Variants in RANBP2 observed in about 807,000 individuals in gnomAD.
RANBP2 encodes E3 SUMO-protein ligase RanBP2.
In RANBP2, 57 loss-of-function variants were observed where a neutral mutation model predicts 303.6. The ratio of observed to expected loss-of-function variants is 0.19; its 90% CI spans 0.15 to 0.23. The LOEUF (loss-of-function observed/expected upper bound fraction) is 0.23, where lower values mean the gene tolerates loss of function less well. Among genes scored for constraint, RANBP2 ranks in the 10% least tolerant of loss-of-function variants. The probability of loss-of-function intolerance (pLI) is 1.00; values close to 1 mark genes in which losing one functional copy is unlikely to be tolerated. For synonymous variants in RANBP2, 1,167 were observed against 1,301.5 expected, an observed-to-expected ratio of 0.90 and a Z score of 2.23; for missense variants, 3,138 against 3,780.8, an observed-to-expected ratio of 0.83 and a Z score of 4.46.
the RANBP2 span, among the ~76,000 whole-genome samples, chr2:109,485,463 T>C: frequency 6.6e-6 from 1 of 152,248 alleles, no homozygotes; most frequent in African/African-American, 2.4e-5. Flanking sequence ...TGAATCTTAA[T>C]TTAAGCTTTC....
chr2:109,091,065 A>C, the RANBP2 span, among the ~76,000 whole-genome samples: 34 of 152,056 alleles, frequency 2.2e-4, no homozygotes, highest in Non-Finnish European at 4.0e-4. Flanking sequence ...GATCTCTACA[A>C]AAAATAAAAA....
chr2:109,108,050 C>T, the RANBP2 span, among the ~76,000 whole-genome samples: 8 of 152,202 alleles, frequency 5.3e-5, no homozygotes, highest in Admixed American at 1.3e-4. Context: ...GGACTACAGG[C>T]GCCTGCCACC....
At chr2:108,919,073 A>T in the RANBP2 span, among the ~76,000 whole-genome samples, 1 of 151,862 alleles carries the variant, frequency 6.6e-6, no homozygotes. Flanking sequence ...GTCCCTGGAG[A>T]TGTGTGTGCA....
the RANBP2 span, among the ~76,000 whole-genome samples, chr2:109,627,792 T>C: frequency 8.8e-4 from 134 of 152,344 alleles, no homozygotes; most frequent in African/African-American, 3.2e-3. Flanking sequence ...CAGCAATGTT[T>C]GTAAGATTTA....
At chr2:109,370,528 C>G in the RANBP2 span, among the ~76,000 whole-genome samples, 1 of 152,128 alleles carries the variant, frequency 6.6e-6, no homozygotes, top group Non-Finnish European at 1.5e-5. Flanking sequence ...CATGAGCCAC[C>G]GCGCCCGGCC....
chr2:108,812,177 C>T, the RANBP2 span, among the ~76,000 whole-genome samples: 1 of 152,056 alleles, frequency 6.6e-6, no homozygotes, highest in African/African-American at 2.4e-5. Context: ...ACTCAATATT[C>T]TTCCTTTCCA....
the RANBP2 span, among the ~76,000 whole-genome samples, chr2:108,854,682 C>G: frequency 0.072 from 10,900 of 152,134 alleles, 503 homozygotes; most frequent in South Asian, 0.15. Context: ...TTGGGCTCAG[C>G]TCATCTGGAT....
chr2:109,679,091 C>A, the RANBP2 span, among the ~76,000 whole-genome samples: 2 of 152,340 alleles, frequency 1.3e-5, no homozygotes, highest in East Asian at 1.9e-4. Flanking sequence ...TCACAGCCTT[C>A]CTGCACTTAC....
the RANBP2 span, among the ~76,000 whole-genome samples, chr2:109,151,055 T>C: frequency 6.6e-6 from 1 of 152,304 alleles, no homozygotes; most frequent in East Asian, 1.9e-4. Context: ...TTATGGATAA[T>C]ATTGCATCAT....
chr2:109,524,811 A>G, the RANBP2 span, among the ~76,000 whole-genome samples: 1 of 152,130 alleles, frequency 6.6e-6, no homozygotes, highest in East Asian at 1.9e-4. Context: ...CCATTTTTAA[A>G]TTTTTAAGGG....
chr2:109,326,491 GCCCTTGCCGACA>G, the RANBP2 span, among the ~76,000 whole-genome samples: 1 of 152,092 alleles, frequency 6.6e-6, no homozygotes, highest in East Asian at 1.9e-4. Context: ...TTCCTTCTGC[GCCCTTGCCGACA>G]CTTGCTGTTG....
At chr2:108,789,080 GT>G (rs1313665883), downstream of RANBP2, 1 of 950,136 alleles carries the variant, frequency 1.1e-6, no homozygotes, top group African/African-American at 1.7e-5. Context: ...ATGAGGACAA[GT>G]ATAAGGCAGT....
chr2:108,909,964 C>T, the RANBP2 span, among the ~76,000 whole-genome samples: 2 of 152,194 alleles, frequency 1.3e-5, no homozygotes, highest in Non-Finnish European at 2.9e-5. Context: ...GATACAAGCA[C>T]CTTGCTCCTG....
the RANBP2 span, among the ~76,000 whole-genome samples, chr2:109,064,539 T>C: frequency 6.6e-6 from 1 of 151,728 alleles, no homozygotes; most frequent in African/African-American, 2.4e-5. Flanking sequence ...AGTCTTTACC[T>C]TTAGATGTGA....
chr2:108,875,179 T>A, the RANBP2 span, among the ~76,000 whole-genome samples: 2 of 151,096 alleles, frequency 1.3e-5, no homozygotes, highest in Non-Finnish European at 2.9e-5. Context: ...AGAGAGTTTG[T>A]CAAATAACTA....
chr2:109,377,780 C>G, the RANBP2 span, among the ~76,000 whole-genome samples: 1,168 of 152,292 alleles, frequency 7.7e-3, 15 homozygotes, highest in African/African-American at 0.027. Context: ...GCAGCAACAT[C>G]AAGCTCAGTT....
the RANBP2 span, among the ~76,000 whole-genome samples, chr2:109,366,914 C>T: frequency 6.6e-6 from 1 of 152,226 alleles, no homozygotes. Context: ...GGAAGGTAAG[C>T]TGAAATACCA....
At chr2:109,554,872 T>A in the RANBP2 span, among the ~76,000 whole-genome samples, 4 of 152,176 alleles carry the variant, frequency 2.6e-5, no homozygotes, top group African/African-American at 9.7e-5. Flanking sequence ...GTCACTGGAA[T>A]CACTGTATGT....
chr2:109,616,125 GTGT>G, the RANBP2 span: 3 of 1,430,230 alleles, frequency 2.1e-6, no homozygotes, highest in Non-Finnish European at 2.7e-6. Context: ...TGAATACTAG[GTGT>G]TGTAAGGAAG....
Sources: gnomAD v4.1 joint callset for allele counts (sites outside exome capture counted in the v4.1 genomes callset) on GRCh38, gnomAD v4.1.1 for gene constraint, MANE v1.5 for transcripts, NCBI Gene and HGNC (gene_info 2026-07-23, HGNC 2026-07-21) for gene names.